GYS1: variants seen among roughly 807,000 people sequenced by gnomAD.
GYS1 encodes the protein glycogen synthase 1.
GYS1 carries 60 observed loss-of-function variants against 89.1 expected under a neutral mutation model. The ratio of observed to expected loss-of-function variants is 0.67; its 90% CI spans 0.55 to 0.84. The LOEUF (loss-of-function observed/expected upper bound fraction) is 0.84, where lower values mean the gene tolerates loss of function less well. GYS1 is among the 40% of genes least tolerant of loss of function. The pLI is 0.00. For missense variants in GYS1, 888 were observed against 1,003.1 expected, an observed-to-expected ratio of 0.89 and a Z score of 1.55; for synonymous variants, 366 against 401.7, an observed-to-expected ratio of 0.91 and a Z score of 1.06.
chr19:48,974,169 A>C (rs746519845), intron 12 of GYS1, 44 bp downstream of exon 12: 2 of 1,558,280 alleles, frequency 1.3e-6, no homozygotes, highest in Non-Finnish European at 1.7e-6. Flanking sequence ...GCTAGCTCTG[A>C]CTAGGATGCC....
chr19:48,982,952 G>T, intron 5 of GYS1, 115 bp from the exon 6 acceptor site: 2 of 800,500 alleles, frequency 2.5e-6, no homozygotes, highest in South Asian at 2.8e-5. Context: ...TGTTTCAAGA[G>T]CGTTCCTATG....
Position 48,969,568 on chromosome 19 carries a change from G to A in GYS1, c.1934C>T (p.Ser645Leu). 6.5e-7 allele frequency: 1 copy of A among 1,538,960 alleles called. No homozygotes were observed. Among genetic ancestry groups the A allele is most frequent in the Non-Finnish European group, 8.7e-7 (1 of 1,146,934 alleles). ...RYPRPASVPP[S>L]PSLSRHSSPH... ...GCTGGAGTGTCGTGACAGCGAGGGC[G>A]ACGGTGGCACCGAGGCTGGCCGTGG... Residue 645 changes from serine (S) to leucine (L), a missense_variant, in exon 16 of 16, where the codon TCG becomes TTG. Ser to Leu is a moderately radical substitution (Grantham distance 145). Transcript: ENST00000323798.
intron 2 of GYS1, among the ~76,000 whole-genome samples, chr19:48,990,762 C>T (rs754046710): frequency 6.6e-6 from 1 of 152,194 alleles, no homozygotes; most frequent in African/African-American, 2.4e-5. Context: ...TCCTTCCTGA[C>T]CTCAGGCCCA....
chr19:48,973,010 G>A (rs2038588709), intron 12 of GYS1, among the ~76,000 whole-genome samples: 1 of 152,042 alleles, frequency 6.6e-6, no homozygotes, highest in Non-Finnish European at 1.5e-5. Context: ...ATATATTTAT[G>A]ATATAGTTTG....
In GYS1 at chr19:48,985,476, G is replaced by C; in HGVS notation, c.808C>G (p.Leu270Val). The stretch of plus-strand genomic sequence containing the variant: ...CAGCCCCTACCTGGTTTCCTCTTGA[G>C]CAAGTGCTGTGCCTCGATGGCGGTG... ...QITAIEAQHL[L>V]KRKPDIVTPN... Residue 270 changes from leucine to valine, a missense_variant, in exon 5 of 16, where the codon CTC (leucine) becomes GTC (valine). Coordinates refer to ENST00000323798, the MANE Select transcript of GYS1 (RefSeq NM_002103.5). The C allele has an allele frequency of 6.2e-7, 1 of 1,613,850 alleles. No individual in the cohort carries two copies. Among genetic ancestry groups the C allele is most frequent in the African/African-American group, 1.3e-5 (1 of 75,056 alleles).
chr19:48,983,632 GA>G, intron 5 of GYS1, among the ~76,000 whole-genome samples: 1 of 152,260 alleles, frequency 6.6e-6, no homozygotes, highest in Middle Eastern at 3.4e-3. Context: ...CAAAGTTCTG[GA>G]ACATATAGAG....
intron 8 of GYS1, among the ~76,000 whole-genome samples, chr19:48,979,224 T>C (rs2122495591): frequency 6.6e-6 from 1 of 151,906 alleles, no homozygotes; most frequent in East Asian, 1.9e-4. Context: ...GGCACACAAG[T>C]AAAGCTAGCA....
In GYS1 at chr19:48,988,797, G is replaced by A. The variant is rs140559759; in HGVS notation, c.301-1412C>T. Reference sequence around the variant, plus strand: ...ATCCCGGCTAATTTTTAACTTTTTTGTAAGGACAGGGTTTCACCATGTTGC... The same window carrying A: ...ATCCCGGCTAATTTTTAACTTTTTTATAAGGACAGGGTTTCACCATGTTGC... On this transcript the variant is annotated intron_variant, in intron 2 of 15. Coordinates refer to ENST00000323798, the MANE Select transcript of GYS1 (RefSeq NM_002103.5). Among the ~76,000 whole-genome samples, 3 of 151,856 alleles carry A rather than the reference G, an allele frequency of 2.0e-5. No homozygotes were observed. The East Asian group carries it at 5.9e-4, about 30-fold the overall frequency.
chr19:48,980,691 G>C (rs536915961), intron 8 of GYS1, among the ~76,000 whole-genome samples: 4 of 151,032 alleles, frequency 2.6e-5, no homozygotes, highest in African/African-American at 7.3e-5. Context: ...AAAAGAAAAA[G>C]AAACTAAGCC....
chr19:48,985,947 C>T lies in GYS1; in HGVS notation c.581G>A (p.Arg194Gln), dbSNP rs1044957678. ...AGVGLCLCRA[R>Q]RLPVATIFTT... ...GAAGATGGTTGCTACAGGCAGTCGC[C>T]GGGCACGACACAGGCAGAGTCCAAC... Residue 194 changes from arginine to glutamine, a missense_variant, in exon 4 of 16, where the codon CGG becomes CAG. Transcript: ENST00000323798. The T allele has an allele frequency of 1.1e-5, 17 of 1,614,056 alleles. No individual in the cohort carries two copies. Among genetic ancestry groups the T allele is most frequent in the Admixed American group, 3.3e-5 (2 of 60,006 alleles).
chr19:48,980,839 G>GT (rs1420984089), intron 8 of GYS1, among the ~76,000 whole-genome samples: 1 of 152,070 alleles, frequency 6.6e-6, no homozygotes, highest in Non-Finnish European at 1.5e-5. Flanking sequence ...AAAAGGCTAG[G>GT]TGTGGTGGCT....
At chr19:48,971,532 T>C (rs2038565765) in intron 12 of GYS1, among the ~76,000 whole-genome samples, 1 of 151,860 alleles carries the variant, frequency 6.6e-6, no homozygotes. Context: ...GAATGTATTA[T>C]AATTTTTTGA....
At chr19:48,978,595 G>A (rs1382447803) in intron 8 of GYS1, among the ~76,000 whole-genome samples, 3 of 149,546 alleles carry the variant, frequency 2.0e-5, no homozygotes, top group Admixed American at 6.7e-5. Flanking sequence ...GCAGTGGTGC[G>A]ATCTTGGCTC....
intron 2 of GYS1, among the ~76,000 whole-genome samples, chr19:48,988,276 T>C (rs1385267620): frequency 6.6e-6 from 1 of 152,224 alleles, no homozygotes; most frequent in Non-Finnish European, 1.5e-5. Context: ...ACATTTCTCT[T>C]ACCAACCATC....
In GYS1 at chr19:48,968,539, A is replaced by T. The variant is rs1392203019; in HGVS notation, c.*749T>A. On this transcript the variant is annotated 3_prime_UTR_variant, in exon 16 of 16. Coordinates refer to ENST00000323798, the MANE Select transcript of GYS1 (RefSeq NM_002103.5). ...AGGGAGATCTCAGATTTAGAAAGGA[A>T]GAGTAGGATCTGGTCCAGAAAGGGC... 4 of 454,538 alleles carry T rather than the reference A, an allele frequency of 8.8e-6. No homozygotes were observed. Among genetic ancestry groups the T allele is most frequent in the South Asian group, 6.2e-5 (4 of 64,472 alleles). The allele number at this position is 454,538 out of a possible 1,614,324, so 28.2% of individuals were successfully genotyped here. A position where few individuals can be genotyped will look rare whatever the true frequency, so the allele number is the denominator to read the frequency against.
At chr19:48,975,210 C>T (rs911612375) in intron 10 of GYS1, among the ~76,000 whole-genome samples, 5 of 150,858 alleles carry the variant, frequency 3.3e-5, no homozygotes, top group Non-Finnish European at 5.9e-5. Context: ...GGATTACAGG[C>T]GTGAGCCATT....
chr19:48,991,490 G>A lies in GYS1; in HGVS notation c.119-7C>T, dbSNP rs1230430099. ...ACCGTGTAGATGCCACCCACTGTGGGCCCAAGCGTGTGAGGGCAGGCCCCG... is the reference window on the plus strand; with the variant it reads ...ACCGTGTAGATGCCACCCACTGTGGACCCAAGCGTGTGAGGGCAGGCCCCG... On this transcript the variant is annotated splice_region_variant and splice_polypyrimidine_tract_variant and intron_variant, in intron 1 of 15. Transcript: ENST00000323798. This position sits in a 1 kb window ranked among gnomAD's most constrained non-coding sequence, Gnocchi z 4.7. The A allele has an allele frequency of 1.2e-6, 2 of 1,602,608 alleles. No individual in the cohort carries two copies. The highest frequency in any genetic ancestry group is 2.3e-5 in the East Asian group (1 of 44,016).
intron 10 of GYS1, among the ~76,000 whole-genome samples, chr19:48,977,063 A>G (rs539119721): frequency 1.0e-3 from 153 of 152,012 alleles, no homozygotes; most frequent in African/African-American, 3.6e-3. Context: ...TGCTGGGAAT[A>G]CTGACAGGTG....
intron 4 of GYS1, 52 bp from the exon 5 acceptor site, chr19:48,985,657 G>T: frequency 6.2e-7 from 1 of 1,603,616 alleles, no homozygotes. Flanking sequence ...AGAAGACTCT[G>T]GAGGTCCAGA....
Sources: allele counts gnomAD v4.1 joint callset (sites outside exome capture counted in the v4.1 genomes callset), GRCh38; gene constraint gnomAD v4.1.1; non-coding constraint Gnocchi (gnomAD v3.1); transcripts MANE v1.5; gene names NCBI Gene and HGNC (gene_info 2026-07-23, HGNC 2026-07-21).